Variants in EVC2 observed in about 807,000 individuals in gnomAD.
EVC2 encodes limbin.
In EVC2, 148 loss-of-function variants were observed where a neutral mutation model predicts 149.3. The observed-to-expected ratio is 0.99, with a 90% CI of 0.87 to 1.14. The LOEUF is 1.14. Ranked by LOEUF, EVC2 falls within the 50% of genes most tolerant of loss-of-function variation. EVC2 has a pLI of 0.00. For missense variants in EVC2, 1,854 were observed against 1,627.3 expected, an observed-to-expected ratio of 1.14 and a Z score of -2.40; for synonymous variants, 776 against 649.9, an observed-to-expected ratio of 1.19 and a Z score of -2.95.
At chr4:5,605,011 A>C (rs1255261532) in intron 16 of EVC2, among the ~76,000 whole-genome samples, 9 of 151,630 alleles carry the variant, frequency 5.9e-5, no homozygotes, top group Non-Finnish European at 1.2e-4. Flanking sequence ...CTTTATGATG[A>C]TCCACTTCCA....
At chr4:5,664,096 G>T (rs566290477) in intron 8 of EVC2, among the ~76,000 whole-genome samples, 1 of 152,176 alleles carries the variant, frequency 6.6e-6, no homozygotes, top group Non-Finnish European at 1.5e-5. Context: ...CCTGTGCCAG[G>T]TATTATTTTC....
intron 16 of EVC2, among the ~76,000 whole-genome samples, chr4:5,598,392 C>T (rs1407379749): frequency 1.3e-5 from 2 of 150,654 alleles, no homozygotes; most frequent in East Asian, 1.9e-4. Context: ...TGGAACAGAA[C>T]AGAGCCCTCA....
intron 1 of EVC2, among the ~76,000 whole-genome samples, chr4:5,698,047 G>A (rs958017122): frequency 3.9e-5 from 6 of 152,070 alleles, no homozygotes; most frequent in Non-Finnish European, 5.9e-5. Flanking sequence ...CACCGCGTCC[G>A]GCCAAGGACC....
chr4:5,694,444 G>T lies in EVC2; in HGVS notation c.341C>A (p.Ser114Ter), dbSNP rs748820015. The change falls in exon 3 of 22, where the codon TCA (serine) becomes TAA (stop). Residue 114 changes from serine (S) to a stop codon, truncating the protein, a stop_gained. Coordinates refer to ENST00000344408, the MANE Select transcript of EVC2 (RefSeq NM_147127.5). LOFTEE classifies it high-confidence loss of function. ...DKKMEVFIPL[S>*]TSAASSGPWA... is the part of the protein sequence containing the mutation. ...TGGCCCACTAGAGGCTGCAGAAGTT[G>T]AGAGTGGGATGAAGACTTCCATTTT... 1 of 1,614,084 alleles carries T rather than the reference G, an allele frequency of 6.2e-7. No homozygotes were observed. Among genetic ancestry groups the T allele is most frequent in the Non-Finnish European group, 8.5e-7 (1 of 1,180,038 alleles).
chr4:5,592,747 G>C (rs544072872), intron 16 of EVC2, among the ~76,000 whole-genome samples: 1 of 152,182 alleles, frequency 6.6e-6, no homozygotes, highest in Non-Finnish European at 1.5e-5. Context: ...AGCCTCAAGT[G>C]AGCATGTGCA....
chr4:5,603,906 C>A (rs1714189129), intron 16 of EVC2, among the ~76,000 whole-genome samples: 1 of 152,176 alleles, frequency 6.6e-6, no homozygotes, highest in African/African-American at 2.4e-5. Context: ...AAGAATCACA[C>A]CAAAGAGGAA....
downstream of EVC2, among the ~76,000 whole-genome samples, chr4:5,539,474 C>CA (rs1403989699): frequency 6.6e-6 from 1 of 151,952 alleles, no homozygotes; most frequent in Non-Finnish European, 1.5e-5. Flanking sequence ...CTATGATAGC[C>CA]AAAACAACTT....
At chr4:5,661,808 A>T (rs1718889699) in intron 9 of EVC2, among the ~76,000 whole-genome samples, 1 of 152,198 alleles carries the variant, frequency 6.6e-6, no homozygotes, top group Non-Finnish European at 1.5e-5. Context: ...TTAAAACCTG[A>T]CCCTATCATT....
At chr4:5,596,520 A>G (rs912963200) in intron 16 of EVC2, among the ~76,000 whole-genome samples, 3 of 152,332 alleles carry the variant, frequency 2.0e-5, no homozygotes, top group Admixed American at 6.5e-5. Flanking sequence ...TTTGAAACCA[A>G]CGAGAACAAA....
At chr4:5,595,477 A>C (rs1323259074) in intron 16 of EVC2, among the ~76,000 whole-genome samples, 3 of 152,198 alleles carry the variant, frequency 2.0e-5, no homozygotes, top group Non-Finnish European at 4.4e-5. Flanking sequence ...TAAGCTTCAT[A>C]AGTGAAGGAC....
intron 1 of EVC2, among the ~76,000 whole-genome samples, chr4:5,705,218 G>C (rs935655344): frequency 2.0e-5 from 3 of 152,160 alleles, no homozygotes; most frequent in African/African-American, 7.2e-5. Context: ...GATACTATTA[G>C]CATAATGAAA....
chr4:5,619,436 C>G (rs983765736), intron 14 of EVC2, among the ~76,000 whole-genome samples: 7 of 152,108 alleles, frequency 4.6e-5, no homozygotes, highest in African/African-American at 1.7e-4. Flanking sequence ...GAGACGTCTA[C>G]AAGCCAATGA....
At chr4:5,538,063 GA>G (rs34937866), downstream of EVC2, among the ~76,000 whole-genome samples, 13,663 of 112,238 alleles carry the variant, frequency 0.12, 794 homozygotes, top group South Asian at 0.33. Flanking sequence ...GAAAGAAATA[GA>G]AAAAAAAAAA....
intron 10 of EVC2, among the ~76,000 whole-genome samples, chr4:5,638,215 C>G (rs1190172049): frequency 6.6e-6 from 1 of 151,954 alleles, no homozygotes; most frequent in African/African-American, 2.4e-5. Context: ...ATGGCAAAAC[C>G]CTGTCTCTAC....
chr4:5,549,236 CACTTAACCTGT>C (rs1721686683), intron 21 of EVC2, among the ~76,000 whole-genome samples: 1 of 152,178 alleles, frequency 6.6e-6, no homozygotes, highest in Non-Finnish European at 1.5e-5. Flanking sequence ...ATTGATTAGG[CACTTAACCTGT>C]ACTGGGTACC....
chr4:5,565,107 C>A, intron 21 of EVC2, 151 bp downstream of exon 21: 1 of 734,822 alleles, frequency 1.4e-6, no homozygotes, highest in South Asian at 1.4e-5. Flanking sequence ...AAACTCAGCC[C>A]ACTGAATAAA....
intron 16 of EVC2, among the ~76,000 whole-genome samples, chr4:5,600,450 T>C (rs1161238630): frequency 6.6e-6 from 1 of 152,122 alleles, no homozygotes; most frequent in African/African-American, 2.4e-5. Flanking sequence ...ACATGCACAA[T>C]ATAAAAAAAA....
rs1716923931 is a variant in EVC2, at chr4:5,636,957, T to C, written c.1470+3557A>G. Among the ~76,000 whole-genome samples, 1 of 152,198 alleles carries C rather than the reference T, an allele frequency of 6.6e-6. No homozygotes were observed. The highest frequency in any genetic ancestry group is 1.5e-5 in the Non-Finnish European group (1 of 68,040). On this transcript the variant is annotated intron_variant, in intron 10 of 21. Coordinates refer to ENST00000344408, the MANE Select transcript of EVC2 (RefSeq NM_147127.5). The surrounding 1 kb of genome is among the most constrained non-coding windows in gnomAD (Gnocchi z 4.6). Reference sequence around the variant, plus strand: ...CTCAGATACTATTTCTGGAAACAGATTGGTTCAAATAAGGCGGCTGCTTGT... The same window carrying C: ...CTCAGATACTATTTCTGGAAACAGACTGGTTCAAATAAGGCGGCTGCTTGT...
At position 5,706,321 on chromosome 4, in the gene EVC2, C is replaced by CATAGATAGATAGATAGATAGATAG. The variant is rs1163864655; in HGVS notation, c.228+1964_228+1965insCTATCTATCTATCTATCTATCTAT. On this transcript the variant is annotated intron_variant, in intron 1 of 21. Transcript: ENST00000344408. ...AGATAGATACATAGATAGATAGATA[C>CATAGATAGATAGATAGATAGATAG]ATAGATAGATAGATAGATACATAGA... Among the ~76,000 whole-genome samples, 46 of 26,548 alleles carry CATAGATAGATAGATAGATAGATAG rather than the reference C, an allele frequency of 1.7e-3. 1 individual carries two copies. The highest frequency in any genetic ancestry group is 3.2e-3 in the East Asian group (3 of 944). The allele number at this position is 26,548 out of a possible 152,430, so 17.4% of individuals were successfully genotyped here.
Sources: gnomAD v4.1 joint callset for allele counts (sites outside exome capture counted in the v4.1 genomes callset) on GRCh38, gnomAD v4.1.1 for gene constraint, Gnocchi (gnomAD v3.1) non-coding constraint, MANE v1.5 for transcripts, NCBI Gene and HGNC (gene_info 2026-07-23, HGNC 2026-07-21) for gene names.